TDRP: variants seen among roughly 807,000 people sequenced by gnomAD.
TDRP encodes testis development related protein.
TDRP carries 12 observed loss-of-function variants against 10.5 expected under a neutral mutation model. The ratio of observed to expected loss-of-function variants is 1.15; its 90% confidence interval spans 0.73 to 1.86. TDRP has a LOEUF of 1.86. Among genes scored for constraint, TDRP ranks in the 40% most tolerant of loss-of-function variants. The pLI is 0.00. For missense variants in TDRP, 353 were observed against 229.2 expected (o/e 1.54, Z -3.49); for synonymous variants, 139 against 95.4 (o/e 1.46, Z -2.67).
At chr8:542,507 T>C (rs373374773) in intron 1 of TDRP, among the ~76,000 whole-genome samples, 5 of 152,056 alleles carry the variant, frequency 3.3e-5, no homozygotes, top group East Asian at 1.9e-4. Context: ...CACCTAAAAC[T>C]GGATACCTGA....
chr8:516,047 G>C (rs932082787), intron 1 of TDRP, among the ~76,000 whole-genome samples: 2 of 152,040 alleles, frequency 1.3e-5, no homozygotes, highest in Non-Finnish European at 2.9e-5. Context: ...AACAAGATTT[G>C]AATAAATAAA....
intron 1 of TDRP, among the ~76,000 whole-genome samples, chr8:504,691 A>C (rs1045399207): frequency 6.6e-6 from 1 of 152,216 alleles, no homozygotes; most frequent in Admixed American, 6.5e-5. Context: ...ACCAGGTTAC[A>C]ATTTGGGTCA....
chr8:514,870 G>T lies in TDRP; in HGVS notation c.109-20273C>A, dbSNP rs182400956. ...CAAGGAATGGCACCAACAGGCAGGAGAGTTTTCTTTCACGGGGAGGGCTAC... is the reference window on the plus strand; with the variant it reads ...CAAGGAATGGCACCAACAGGCAGGATAGTTTTCTTTCACGGGGAGGGCTAC... On this transcript the variant is annotated intron_variant, in intron 1 of 2. Transcript: ENST00000324079. 1.6e-4 allele frequency among the ~76,000 whole-genome samples: 24 copies of T among 152,264 alleles called. No individual in the cohort carries two copies. The East Asian group carries it at 4.1e-3, about 26-fold the overall frequency.
At chr8:513,076 TTTAA>T (rs1272697488) in intron 1 of TDRP, among the ~76,000 whole-genome samples, 6 of 151,090 alleles carry the variant, frequency 4.0e-5, no homozygotes. Context: ...CTACCAACTA[TTTAA>T]AGAATTAATA....
chr8:532,008 A>C (rs550508742), intron 1 of TDRP, among the ~76,000 whole-genome samples: 69 of 152,274 alleles, frequency 4.5e-4, no homozygotes, highest in African/African-American at 1.6e-3. Flanking sequence ...AGAACAAAAC[A>C]AACAAAAGAC....
chr8:539,491 C>G (rs1051884919), intron 1 of TDRP, among the ~76,000 whole-genome samples: 1 of 152,174 alleles, frequency 6.6e-6, no homozygotes, highest in African/African-American at 2.4e-5. Flanking sequence ...ATTTAACACA[C>G]AAACACAGAC....
chr8:505,175 G>C (rs1398982656), intron 1 of TDRP, among the ~76,000 whole-genome samples: 2 of 152,134 alleles, frequency 1.3e-5, no homozygotes, highest in African/African-American at 2.4e-5. Context: ...CCTGCAAACG[G>C]ACCCACAGAC....
At chr8:496,826 G>A (rs1801149969) in intron 1 of TDRP, among the ~76,000 whole-genome samples, 1 of 152,192 alleles carries the variant, frequency 6.6e-6, no homozygotes, top group African/African-American at 2.4e-5. Context: ...TCCTCTTGGT[G>A]TTCTCATGAG....
At chr8:530,189 T>C (rs1289343787) in intron 1 of TDRP, among the ~76,000 whole-genome samples, 1 of 147,768 alleles carries the variant, frequency 6.8e-6, no homozygotes, top group East Asian at 2.0e-4. Context: ...AGAATTTGTA[T>C]GGTTCTTTTT....
intron 1 of TDRP, among the ~76,000 whole-genome samples, chr8:509,138 G>T (rs984035371): frequency 6.6e-6 from 1 of 152,232 alleles, no homozygotes; most frequent in Admixed American, 6.5e-5. Context: ...GCCCCCTGGC[G>T]CCAGCTGCTT....
In TDRP at chr8:492,073, A is replaced by G; in HGVS notation, c.*326T>C. 8.6e-7 allele frequency: 1 copy of G among 1,157,652 alleles called. No individual in the cohort carries two copies. Among genetic ancestry groups the G allele is most frequent in the Non-Finnish European group, 1.1e-6 (1 of 941,574 alleles). The allele number at this position is 1,157,652 out of a possible 1,614,324, so 71.7% of individuals were successfully genotyped here. ...AAACAGAACTACAACACAGAGCAGC[A>G]TGAAAATCATTTTGTGAGAAACTGC... is the stretch of plus-strand genomic sequence containing the variant. On this transcript the variant is annotated 3_prime_UTR_variant, in exon 3 of 3. Transcript: ENST00000324079.
chr8:501,831 C>G (rs760288865), intron 1 of TDRP, among the ~76,000 whole-genome samples: 10 of 152,184 alleles, frequency 6.6e-5, no homozygotes, highest in Non-Finnish European at 1.2e-4. Context: ...GCACTGGCGT[C>G]CCTGCAGTCA....
At chr8:504,136 T>G (rs756214329) in intron 1 of TDRP, among the ~76,000 whole-genome samples, 3 of 152,188 alleles carry the variant, frequency 2.0e-5, no homozygotes, top group Non-Finnish European at 2.9e-5. Context: ...TGCCCTGGGT[T>G]CTGACCGCAG....
rs139675024 is a variant in TDRP, at chr8:520,137, C to G, written c.108+24513G>C. On this transcript the variant is annotated intron_variant, in intron 1 of 2. Coordinates refer to ENST00000324079, the MANE Select transcript of TDRP (RefSeq NM_001384899.1). Reference sequence around the variant, plus strand: ...AGTGGAAAGAAAACATTTTAAAACACGGTTTGAAGCCAAGCTGCTCAGTTA... The same window carrying G: ...AGTGGAAAGAAAACATTTTAAAACAGGGTTTGAAGCCAAGCTGCTCAGTTA... 8.1e-4 allele frequency among the ~76,000 whole-genome samples: 123 copies of G among 152,304 alleles called. 2 individuals carry two copies. Among genetic ancestry groups the G allele is most frequent in the African/African-American group, 2.9e-3 (121 of 41,574 alleles).
chr8:543,927 A>G (rs972393322), intron 1 of TDRP, among the ~76,000 whole-genome samples: 29 of 11,356 alleles, frequency 2.6e-3, no homozygotes, highest in African/African-American at 2.8e-3. Context: ...GGAAAAAGGG[A>G]GGGGGGGGGA....
rs926722159 is a variant in TDRP at position 535,775 on chromosome 8, G to A, written c.108+8875C>T. Among the ~76,000 whole-genome samples the A allele has an allele frequency of 3.4e-3, 475 of 140,364 alleles. 1 individual carries two copies. The highest frequency in any genetic ancestry group is 0.013 in the African/African-American group (454 of 33,818). The allele number at this position is 140,364 out of a possible 152,430, so 92.1% of individuals were successfully genotyped here. A position where few individuals can be genotyped will look rare whatever the true frequency, so the allele number is the denominator to read the frequency against. ...CCGAGGCAGGTCTCAGCGTAGGGGT[G>A]GGCCCACCCGAGGCAGGTCTCAGTG... On this transcript the variant is annotated intron_variant, in intron 1 of 2. Transcript: ENST00000324079.
At chr8:517,531 C>G (rs1263449400) in intron 1 of TDRP, among the ~76,000 whole-genome samples, 4 of 152,222 alleles carry the variant, frequency 2.6e-5, no homozygotes, top group Non-Finnish European at 2.9e-5. Flanking sequence ...TGACTTCAGG[C>G]AGAGCTTAAC....
At position 544,715 on chromosome 8, in the gene TDRP, G is replaced by T; in HGVS notation, c.43C>A (p.Pro15Thr). The T allele has an allele frequency of 1.6e-6, 2 of 1,245,834 alleles. No homozygotes were observed. Among genetic ancestry groups the T allele is most frequent in the Non-Finnish European group, 1.0e-6 (1 of 995,244 alleles). The allele number at this position is 1,245,834 out of a possible 1,614,324, so 77.2% of individuals were successfully genotyped here. A position where few individuals can be genotyped will look rare whatever the true frequency, so the allele number is the denominator to read the frequency against. Residue 15 changes from proline to threonine, a missense_variant, in exon 1 of 3, where the codon CCC becomes ACC. Coordinates refer to ENST00000324079, the MANE Select transcript of TDRP (RefSeq NM_001384899.1). ...CCACGCAGGCCGTCCTCCTCCTCGG[G>T]GGGCTCGTCCAGCAGCACTCGGCCC... Reference protein sequence around the residue: ...GRGRVLLDEPPEEEDGLRGGP... With the variant: ...GRGRVLLDEPTEEEDGLRGGP...
intron 1 of TDRP, among the ~76,000 whole-genome samples, chr8:521,635 T>C (rs1205709915): frequency 6.6e-6 from 1 of 152,238 alleles, no homozygotes; most frequent in Non-Finnish European, 1.5e-5. Context: ...ATTACTGTAC[T>C]TGTATAATTT....
Sources: gnomAD v4.1 joint callset for allele counts (sites outside exome capture counted in the v4.1 genomes callset) on GRCh38, gnomAD v4.1.1 for gene constraint, MANE v1.5 for transcripts, NCBI Gene and HGNC (gene_info 2026-07-23, HGNC 2026-07-21) for gene names.